Variants in JAK1 observed in about 807,000 individuals in gnomAD.
The protein encoded by JAK1 is tyrosine-protein kinase JAK1.
JAK1 carries 16 observed loss-of-function variants against 136.6 expected under a neutral mutation model. The ratio of observed to expected loss-of-function variants is 0.12; its 90% confidence interval spans 0.08 to 0.18. The LOEUF (loss-of-function observed/expected upper bound fraction) is 0.18, where lower values mean the gene tolerates loss of function less well. Ranked by LOEUF, JAK1 falls within the 10% of genes least tolerant of loss-of-function variation. The pLI, the probability that JAK1 is intolerant of heterozygous loss-of-function variation, is 1.00. For missense variants in JAK1, 859 were observed against 1,450.1 expected (o/e 0.59, Z 6.62); for synonymous variants, 492 against 519.5 (o/e 0.95, Z 0.72).
chr1:64,861,790 A>G (rs1024038468), intron 8 of JAK1, among the ~76,000 whole-genome samples: 27 of 152,188 alleles, frequency 1.8e-4, no homozygotes, highest in Admixed American at 6.5e-4. Context: ...CAGGGTCACC[A>G]TAGGAATGGC....
At chr1:64,852,343 C>T (rs1655655894) in intron 11 of JAK1, among the ~76,000 whole-genome samples, 1 of 152,218 alleles carries the variant, frequency 6.6e-6, no homozygotes, top group African/African-American at 2.4e-5. Flanking sequence ...ACCCTTCCCA[C>T]AACATACCTG....
chr1:64,878,439 C>T (rs1244234849), intron 4 of JAK1, among the ~76,000 whole-genome samples: 1 of 151,938 alleles, frequency 6.6e-6, no homozygotes, highest in African/African-American at 2.4e-5. Flanking sequence ...AACATCCACT[C>T]CCAGAGAGCA....
At chr1:64,904,531 T>A (rs1385199933) in intron 1 of JAK1, among the ~76,000 whole-genome samples, 3 of 152,164 alleles carry the variant, frequency 2.0e-5, no homozygotes, top group Non-Finnish European at 4.4e-5. Flanking sequence ...CCCAAAAAAA[T>A]CATCAGACCA....
At chr1:64,946,353 C>G (rs1449002703) in intron 1 of JAK1, among the ~76,000 whole-genome samples, 1 of 152,154 alleles carries the variant, frequency 6.6e-6, no homozygotes, top group Non-Finnish European at 1.5e-5. Context: ...TATAACCAAC[C>G]CCCTCTCTGC....
intron 2 of JAK1, among the ~76,000 whole-genome samples, chr1:64,975,790 C>A (rs1411251399): frequency 6.6e-6 from 1 of 152,146 alleles, no homozygotes; most frequent in African/African-American, 2.4e-5. Context: ...CAGGAAACGC[C>A]CAAGGAGATC....
At chr1:64,890,318 G>A (rs892893527) in intron 1 of JAK1, among the ~76,000 whole-genome samples, 5 of 151,894 alleles carry the variant, frequency 3.3e-5, no homozygotes, top group African/African-American at 1.2e-4. Context: ...AGTATGTTCG[G>A]TAACAGCTGT....
intron 2 of JAK1, 112 bp downstream of exon 2, chr1:64,886,147 C>CA (rs1234898092): frequency 1.1e-5 from 7 of 657,758 alleles, no homozygotes; most frequent in South Asian, 2.0e-5. Context: ...ACATCAATTT[C>CA]AAAAAATTAA....
chr1:65,064,223 T>C (rs944965100), intron 1 of JAK1, among the ~76,000 whole-genome samples: 6 of 152,226 alleles, frequency 3.9e-5, no homozygotes, highest in African/African-American at 1.4e-4. Context: ...AATCAAGTTA[T>C]CAAAGTCTAA....
chr1:64,893,789 T>G (rs974663810), intron 1 of JAK1, among the ~76,000 whole-genome samples: 3 of 152,358 alleles, frequency 2.0e-5, no homozygotes, highest in African/African-American at 7.2e-5. Flanking sequence ...TTTATTAACA[T>G]GTATTTCCAA....
At chr1:65,063,266 C>T (rs1013683131) in intron 1 of JAK1, among the ~76,000 whole-genome samples, 9 of 152,104 alleles carry the variant, frequency 5.9e-5, no homozygotes, top group South Asian at 4.1e-4. Context: ...CATTGTTTTC[C>T]GGTACCTTTT....
chr1:64,904,796 A>G (rs1464912322), intron 1 of JAK1, among the ~76,000 whole-genome samples: 2 of 152,164 alleles, frequency 1.3e-5, no homozygotes, highest in Non-Finnish European at 1.5e-5. Context: ...ATGGGATAAA[A>G]TCTAAGATTT....
At chr1:65,053,485 T>A (rs1647385738) in intron 1 of JAK1, among the ~76,000 whole-genome samples, 1 of 152,116 alleles carries the variant, frequency 6.6e-6, no homozygotes, top group South Asian at 2.1e-4. Context: ...AGGAAAAAAA[T>A]CTCTGAAGTG....
chr1:65,050,393 T>G (rs114456219), intron 1 of JAK1, among the ~76,000 whole-genome samples: 1 of 152,186 alleles, frequency 6.6e-6, no homozygotes, highest in South Asian at 2.1e-4. Context: ...AATCAGTACT[T>G]AGCCAGAAAC....
intron 1 of JAK1, among the ~76,000 whole-genome samples, chr1:64,928,778 C>CAAAAAAAAAAAAAAAAAAAAAAAAAA (rs1183218798): frequency 3.8e-4 from 23 of 61,138 alleles, no homozygotes; most frequent in Non-Finnish European, 5.0e-4. Context: ...TAAAACTCTG[C>CAAAAAAAAAAAAAAAAAAAAAAAAAA]AAAAAAAAAA....
Position 64,867,216 on chromosome 1 carries a change from A to T in JAK1, c.648-8T>A. The T allele has an allele frequency of 6.4e-7, 1 of 1,573,018 alleles. No homozygotes were observed. The highest frequency in any genetic ancestry group is 8.7e-7 in the Non-Finnish European group (1 of 1,154,396). On this transcript the variant is annotated splice_region_variant and splice_polypyrimidine_tract_variant and intron_variant, in intron 6 of 24. Transcript: ENST00000342505. ...GGAATATATCGCTTGTAGCTAAAAG[A>T]CAGTAGAAAAGTACATCTCCTTTTC...
intron 17 of JAK1, 107 bp from the exon 18 acceptor site, chr1:64,841,708 C>T: frequency 8.9e-7 from 1 of 1,120,688 alleles, no homozygotes; most frequent in Non-Finnish European, 1.3e-6. Context: ...TCAACATCTC[C>T]ACTTACAGGT....
chr1:65,008,638 TC>T (rs1646822978), intron 2 of JAK1, among the ~76,000 whole-genome samples: 1 of 151,350 alleles, frequency 6.6e-6, no homozygotes, highest in African/African-American at 2.4e-5. Flanking sequence ...CCCTTCCCCT[TC>T]CCCTTCGCCT....
At chr1:64,915,484 G>A (rs1053603009) in intron 1 of JAK1, among the ~76,000 whole-genome samples, 1 of 152,192 alleles carries the variant, frequency 6.6e-6, no homozygotes, top group African/African-American at 2.4e-5. Flanking sequence ...TGAAGAAAGA[G>A]GGCCAGAGAA....
intron 2 of JAK1, among the ~76,000 whole-genome samples, chr1:64,996,338 C>T (rs1024581064): frequency 1.3e-5 from 2 of 152,162 alleles, no homozygotes; most frequent in Non-Finnish European, 1.5e-5. Context: ...TCTCTTGACA[C>T]TTCAATCCAG....
Sources: gnomAD v4.1 joint callset for allele counts (sites outside exome capture counted in the v4.1 genomes callset) on GRCh38, gnomAD v4.1.1 for gene constraint, MANE v1.5 for transcripts, NCBI Gene and HGNC (gene_info 2026-07-23, HGNC 2026-07-21) for gene names.